The following NCOR2 variants were observed in gnomAD, a reference collection of about 807,000 sequenced individuals.
The protein encoded by NCOR2 is nuclear receptor corepressor 2.
A neutral mutation model predicts 262.9 loss-of-function variants in NCOR2; 81 were observed. The ratio of observed to expected loss-of-function variants is 0.31; its 90% CI spans 0.26 to 0.37. The LOEUF is 0.37. Among genes scored for constraint, NCOR2 ranks in the 10% least tolerant of loss-of-function variants. NCOR2 has a pLI of 1.00. For missense variants in NCOR2, 3,385 were observed against 3,621.4 expected, an observed-to-expected ratio of 0.93 and a Z score of 1.68; for synonymous variants, 1,659 against 1,559.3, an observed-to-expected ratio of 1.06 and a Z score of -1.51.
At chr12:124,335,108 AAGC>A in intron 40 of NCOR2, 24 bp downstream of exon 42, 13 of 1,612,320 alleles carry the variant, frequency 8.1e-6, no homozygotes, top group Non-Finnish European at 1.1e-5. Flanking sequence ...CAAAGGTGAC[AAGC>A]AGCAGCAGAG....
At chr12:124,562,742 C>T (rs865965412) in intron 1 of NCOR2, among the ~76,000 whole-genome samples, 31 of 152,194 alleles carry the variant, frequency 2.0e-4, no homozygotes, top group African/African-American at 7.5e-4. Flanking sequence ...GGAAAAGAGA[C>T]AGGTCCATCA....
chr12:124,458,479 G>T (rs1263900112), intron 5 of NCOR2, among the ~76,000 whole-genome samples: 2 of 152,174 alleles, frequency 1.3e-5, no homozygotes, highest in Non-Finnish European at 2.9e-5. Flanking sequence ...CCACCTTCAG[G>T]CTGAGCCAAA....
chr12:124,545,042 T>G (rs1175538930), intron 1 of NCOR2, among the ~76,000 whole-genome samples: 2 of 152,102 alleles, frequency 1.3e-5, no homozygotes, highest in African/African-American at 4.8e-5. Flanking sequence ...TGCCAGGGGC[T>G]ACTCTGAAGA....
At chr12:124,521,468 G>A (rs1027438430) in intron 1 of NCOR2, among the ~76,000 whole-genome samples, 13 of 152,156 alleles carry the variant, frequency 8.5e-5, no homozygotes, top group East Asian at 1.9e-4. Flanking sequence ...CATTCAACAC[G>A]GATCAACCTC....
At chr12:124,553,356 C>T (rs892271689) in intron 1 of NCOR2, among the ~76,000 whole-genome samples, 2 of 152,240 alleles carry the variant, frequency 1.3e-5, no homozygotes, top group African/African-American at 4.8e-5. Flanking sequence ...AATATATTCA[C>T]AGCTTCTGAG....
At chr12:124,486,355 G>A (rs936148616) in intron 2 of NCOR2, 86 bp downstream of exon 4, 2 of 1,558,448 alleles carry the variant, frequency 1.3e-6, no homozygotes, top group Admixed American at 3.9e-5. Context: ...GACCCTGTGT[G>A]CTCCTGCTCT....
chr12:124,374,427 T>G (rs2039822863), exon 19 of NCOR2: 1 of 1,612,932 alleles, frequency 6.2e-7, no homozygotes, highest in East Asian at 2.2e-5. Context: ...GCCACTGCAT[T>G]CCCCTCTGGG....
intron 3 of NCOR2, among the ~76,000 whole-genome samples, chr12:124,478,394 T>C (rs1187824008): frequency 6.6e-6 from 1 of 152,120 alleles, no homozygotes; most frequent in Non-Finnish European, 1.5e-5. Flanking sequence ...CAAAACAAAG[T>C]TCGGTGAATT....
chr12:124,484,013 G>A (rs1012042406), intron 2 of NCOR2, among the ~76,000 whole-genome samples: 3 of 152,086 alleles, frequency 2.0e-5, no homozygotes, highest in Non-Finnish European at 4.4e-5. Context: ...AGTGTGCTAC[G>A]GTGGCACTGG....
In NCOR2 at chr12:124,327,331, AGAGGAGCGCG is replaced by A. The variant is rs900154364; in HGVS notation, c.7183+68_7183+77del. 23 of 1,150,214 alleles carry A rather than the reference AGAGGAGCGCG, an allele frequency of 2.0e-5. No individual in the cohort carries two copies. In the Admixed American group the frequency reaches 4.1e-4, roughly 20 times the overall value. 71.3% of individuals were successfully genotyped at this position (1,150,214 alleles called of 1,614,324 possible). On this transcript the variant is annotated intron_variant, in intron 45 of 46. Transcript: ENST00000405201. ...TCCAAAGCTCGAGGAGGGGGTTGTCAGAGGAGCGCGGAGGAGCGAGGATTAATCACACCGG... is the reference window on the plus strand; with the variant it reads ...TCCAAAGCTCGAGGAGGGGGTTGTCAGAGGAGCGAGGATTAATCACACCGG...
At chr12:124,328,503 C>T (rs1406841928) in intron 44 of NCOR2, 1 of 152,406 alleles carries the variant, frequency 6.6e-6, no homozygotes, top group Non-Finnish European at 1.5e-5. Context: ...GGGGAAACCT[C>T]CTTTTCTGTT....
In NCOR2 at chr12:124,486,419, G is replaced by A. The variant is rs1446667292; in HGVS notation, c.233+22C>T. ...AAGGAGCTCTCACGCCCTGGACAGG[G>A]AGGCAGCAACTCTCTCCTCACCGTT... On this transcript the variant is annotated intron_variant, in intron 2 of 46. Coordinates refer to ENST00000405201, the Ensembl canonical transcript of NCOR2. 5.0e-6 allele frequency: 8 copies of A among 1,611,668 alleles called. No individual in the cohort carries two copies. The South Asian group carries it at 7.7e-5, about 16-fold the overall frequency.
Position 124,333,287 on chromosome 12 carries a change from G to A in NCOR2, c.6606-8C>T, listed in dbSNP as rs766331842. 4 of 1,595,514 alleles carry A rather than the reference G, an allele frequency of 2.5e-6. No homozygotes were observed. Among genetic ancestry groups the A allele is most frequent in the Non-Finnish European group, 3.4e-6 (4 of 1,169,860 alleles). ...TTGTTTGGCTCTGGAGACCTGGATG[G>A]AGAAAGGGCCCCAGATGTGGTCAGA... On this transcript the variant is annotated splice_polypyrimidine_tract_variant and splice_region_variant and intron_variant, in intron 41 of 46. Transcript: ENST00000405201.
intron 20 of NCOR2, among the ~76,000 whole-genome samples, chr12:124,371,002 C>T (rs866391075): frequency 1.1e-4 from 17 of 152,284 alleles, no homozygotes; most frequent in African/African-American, 3.9e-4. Flanking sequence ...ACGGCCACCA[C>T]GCTCGCATCT....
At chr12:124,525,237 G>A (rs920649400) in intron 1 of NCOR2, among the ~76,000 whole-genome samples, 2 of 152,128 alleles carry the variant, frequency 1.3e-5, no homozygotes, top group Non-Finnish European at 2.9e-5. Context: ...CGCGCCTGCT[G>A]TTCCCTCATC....
intron 23 of NCOR2, 93 bp from the exon 26 acceptor site, chr12:124,355,664 C>A (rs1238191089): frequency 2.1e-6 from 3 of 1,442,312 alleles, no homozygotes; most frequent in Non-Finnish European, 2.7e-6. Context: ...TCTTCCCTGT[C>A]CTGGCCAGGA....
chr12:124,561,563 T>G (rs1594079326), intron 1 of NCOR2, among the ~76,000 whole-genome samples: 1 of 150,696 alleles, frequency 6.6e-6, no homozygotes, highest in Non-Finnish European at 1.5e-5. Context: ...GGAGAGGAAG[T>G]GGGGGAAGAA....
At chr12:124,468,171 A>G (rs1593684773) in intron 4 of NCOR2, among the ~76,000 whole-genome samples, 1 of 33,702 alleles carries the variant, frequency 3.0e-5, no homozygotes, top group Non-Finnish European at 5.4e-5. Context: ...CACCCTCTTC[A>G]CCCTCATCCT....
At chr12:124,429,738 T>C (rs2136345347) in intron 9 of NCOR2, 32 bp from the exon 12 acceptor site, 1 of 1,564,732 alleles carries the variant, frequency 6.4e-7, no homozygotes. Context: ...TCAGGACCGG[T>C]CTTCTGGTGG....
Sources: gnomAD v4.1 joint callset for allele counts (sites outside exome capture counted in the v4.1 genomes callset) on GRCh38, gnomAD v4.1.1 for gene constraint, MANE v1.5 for transcripts, NCBI Gene and HGNC (gene_info 2026-07-23, HGNC 2026-07-21) for gene names.